Variants in STRIP2 observed in about 807,000 individuals in gnomAD.
STRIP2 encodes striatin-interacting protein 2.
A neutral mutation model predicts 107.1 loss-of-function variants in STRIP2; 84 were observed. That is an observed-to-expected ratio of 0.78 (90% CI 0.66 to 0.94). The LOEUF (loss-of-function observed/expected upper bound fraction) is 0.94. Among genes scored for constraint, STRIP2 ranks in the 40% least tolerant of loss-of-function variants. The probability of loss-of-function intolerance (pLI) is 0.00; values close to 1 mark genes in which losing one functional copy is unlikely to be tolerated. For missense variants in STRIP2, 888 were observed against 1,034.2 expected, an observed-to-expected ratio of 0.86 and a Z score of 1.94; for synonymous variants, 394 against 400.4, an observed-to-expected ratio of 0.98 and a Z score of 0.19.
rs1798313341 is a variant in STRIP2, at chr7:129,455,287, C to T, written c.750C>T (p.Phe250=). 1 of 1,613,910 alleles carries T rather than the reference C, an allele frequency of 6.2e-7. No homozygotes were observed. Among genetic ancestry groups the T allele is most frequent in the African/African-American group, 1.3e-5 (1 of 74,914 alleles). ...HNEEPFALLL[F]SMVTKFCSGL... Reference sequence around the variant, plus strand: ...AGGAGCCTTTTGCCCTTTTACTCTTCTCCATGGTTACCAAGTTCTGCAGTG... The same window carrying T: ...AGGAGCCTTTTGCCCTTTTACTCTTTTCCATGGTTACCAAGTTCTGCAGTG... The change falls in exon 8 of 21, where the codon TTC becomes TTT. Residue 250 remains phenylalanine (F), a synonymous_variant. Coordinates refer to ENST00000249344, the MANE Select transcript of STRIP2 (RefSeq NM_020704.3).
intron 9 of STRIP2, among the ~76,000 whole-genome samples, chr7:129,457,628 T>C (rs1374251190): frequency 2.0e-5 from 3 of 152,230 alleles, no homozygotes; most frequent in Admixed American, 6.5e-5. Flanking sequence ...TTATTTTTGT[T>C]TTATAAAGTA....
At chr7:129,434,713 C>A in intron 1 of STRIP2, 112 bp downstream of exon 1, 1 of 1,261,170 alleles carries the variant, frequency 7.9e-7, no homozygotes, top group African/African-American at 1.6e-5. Flanking sequence ...CGATCAGCCC[C>A]GCGCAGTGGG....
In STRIP2 at chr7:129,454,228, T is replaced by G. The variant is rs113700662; in HGVS notation, c.599+18T>G. 4 of 1,613,646 alleles carry G rather than the reference T, an allele frequency of 2.5e-6. No individual in the cohort carries two copies. The highest frequency in any genetic ancestry group is 3.4e-6 in the Non-Finnish European group (4 of 1,179,622). On this transcript the variant is annotated intron_variant, in intron 6 of 20. Transcript: ENST00000249344. ...GAGCTCAGGTGAGTGGGGCTAACTA[T>G]GGGCTTGGAACAGGGCAGATGATTA... is the stretch of plus-strand genomic sequence containing the variant.
At chr7:129,472,057 G>A (rs1176618064) in intron 18 of STRIP2, among the ~76,000 whole-genome samples, 1 of 152,170 alleles carries the variant, frequency 6.6e-6, no homozygotes, top group Non-Finnish European at 1.5e-5. Flanking sequence ...TATGAGGTTA[G>A]TATTACTATT....
chr7:129,447,255 G>A (rs1230177980), intron 3 of STRIP2, among the ~76,000 whole-genome samples: 1 of 152,194 alleles, frequency 6.6e-6, no homozygotes, highest in Non-Finnish European at 1.5e-5. Context: ...ACACCCAAAT[G>A]AGGAATGTGT....
rs1799244176 is a variant in STRIP2 at position 129,486,390 on chromosome 7, C to T, written c.*561C>T. 6.3e-6 allele frequency: 1 copy of T among 158,318 alleles called. No homozygotes were observed. Among genetic ancestry groups the T allele is most frequent in the South Asian group, 1.8e-4 (1 of 5,518 alleles). 9.8% of individuals were successfully genotyped at this position (158,318 alleles called of 1,614,324 possible). Reference sequence around the variant, plus strand: ...GAAGGATGATGATTTACTATTCCCTCAATACTGCATGTTATCGAAAAGTGT... The same window carrying T: ...GAAGGATGATGATTTACTATTCCCTTAATACTGCATGTTATCGAAAAGTGT... On this transcript the variant is annotated 3_prime_UTR_variant, in exon 21 of 21. Transcript: ENST00000249344.
intron 13 of STRIP2, among the ~76,000 whole-genome samples, chr7:129,462,621 A>C (rs1436428485): frequency 6.6e-6 from 1 of 152,134 alleles, no homozygotes; most frequent in Admixed American, 6.5e-5. Flanking sequence ...TTAAACCCAC[A>C]CTATTGAGCC....
chr7:129,451,519 G>A (rs1798191530), intron 3 of STRIP2, 94 bp from the exon 4 acceptor site: 3 of 1,453,614 alleles, frequency 2.1e-6, no homozygotes, highest in East Asian at 2.3e-5. Flanking sequence ...ATTTTGGCAG[G>A]GGAGCTGAGA....
rs1467433446 is a variant in STRIP2 at position 129,458,697 on chromosome 7, C to G, written c.1275-15C>G. ...CTTCCCTTCTCTGGGATTGGTCTTT[C>G]CACCATCCTCTCAGACAGAAGGACA... On this transcript the variant is annotated splice_polypyrimidine_tract_variant and intron_variant, in intron 10 of 20. Transcript: ENST00000249344. This position sits in a 1 kb window ranked among gnomAD's most constrained non-coding sequence, Gnocchi z 4.6. 9 of 1,613,930 alleles carry G rather than the reference C, an allele frequency of 5.6e-6. No homozygotes were observed. The highest frequency in any genetic ancestry group is 7.6e-6 in the Non-Finnish European group (9 of 1,179,918).
Position 129,488,338 on chromosome 7 carries a change from T to TTGA in STRIP2, c.*2511_*2513dup, listed in dbSNP as rs1799280852. ...ATTTCAGTAAAGTTTGTGTTGATTGTTGATAACACTGTTCATCTACTGAAG... is the reference window on the plus strand; with the variant it reads ...ATTTCAGTAAAGTTTGTGTTGATTGTTGATGATAACACTGTTCATCTACTGAAG... On this transcript the variant is annotated 3_prime_UTR_variant, in exon 21 of 21. Transcript: ENST00000249344. 1 of 152,670 alleles carries TTGA rather than the reference T, an allele frequency of 6.6e-6. No homozygotes were observed. Among genetic ancestry groups the TTGA allele is most frequent in the African/African-American group, 2.4e-5 (1 of 41,462 alleles). The allele number at this position is 152,670 out of a possible 1,614,324, so 9.5% of individuals were successfully genotyped here. A position where few individuals can be genotyped will look rare whatever the true frequency, so the allele number is the denominator to read the frequency against.
At chr7:129,457,243 G>A (rs1282107835) in intron 9 of STRIP2, among the ~76,000 whole-genome samples, 1 of 152,172 alleles carries the variant, frequency 6.6e-6, no homozygotes, top group Non-Finnish European at 1.5e-5. Context: ...AGATGGTATA[G>A]CCTACTGCAC....
intron 17 of STRIP2, among the ~76,000 whole-genome samples, chr7:129,467,774 G>T (rs879115849): frequency 6.6e-6 from 1 of 152,166 alleles, no homozygotes; most frequent in South Asian, 2.1e-4. Context: ...CTGGCCAGGC[G>T]TTATTTTAGT....
At chr7:129,468,747 T>A (rs1261615180) in intron 17 of STRIP2, among the ~76,000 whole-genome samples, 1 of 152,184 alleles carries the variant, frequency 6.6e-6, no homozygotes, top group Non-Finnish European at 1.5e-5. Flanking sequence ...TGGTTAAAAG[T>A]AACCAAAACT....
Position 129,440,092 on chromosome 7 carries a change from G to A in STRIP2, c.199+1G>A. ...GATGGGCATGCAGCCGAGTTGTCAG[G>A]TATGAGGTAGATGGGTCAGTAGCTA... On this transcript the variant is annotated splice_donor_variant, in intron 2 of 20. Transcript: ENST00000249344. LOFTEE classifies it high-confidence loss of function. 1 of 1,613,904 alleles carries A rather than the reference G, an allele frequency of 6.2e-7. No homozygotes were observed. Among genetic ancestry groups the A allele is most frequent in the Non-Finnish European group, 8.5e-7 (1 of 1,179,794 alleles).
At position 129,455,314 on chromosome 7, in the gene STRIP2, C is replaced by A. The variant is rs891281874; in HGVS notation, c.777C>A (p.Gly259=). Residue 259 remains glycine (G), a synonymous_variant, in exon 8 of 21, where the codon GGC becomes GGA. Transcript: ENST00000249344. ...CCATGGTTACCAAGTTCTGCAGTGG[C>A]CTGGCTCCTCACTTCCCCATAAAGA... ...LFSMVTKFCS[G]LAPHFPIKKV... is the part of the protein sequence containing the mutation. The A allele has an allele frequency of 6.2e-7, 1 of 1,613,946 alleles. No homozygotes were observed.
Position 129,475,044 on chromosome 7 carries a change from A to C in STRIP2, c.1944+4329A>C, listed in dbSNP as rs577901892. 4.6e-5 allele frequency among the ~76,000 whole-genome samples: 7 copies of C among 152,352 alleles called. No individual in the cohort carries two copies. In the East Asian group the frequency reaches 1.3e-3, roughly 29 times the overall value. Reference sequence around the variant, plus strand: ...GTACAGGAAGTTTAAAAATTTGTGTATCTCCAAATGTCGGTATTCATATTC... The same window carrying C: ...GTACAGGAAGTTTAAAAATTTGTGTCTCTCCAAATGTCGGTATTCATATTC... On this transcript the variant is annotated intron_variant, in intron 18 of 20. Transcript: ENST00000249344.
chr7:129,478,824 A>G (rs1799039744), intron 18 of STRIP2, among the ~76,000 whole-genome samples: 1 of 152,172 alleles, frequency 6.6e-6, no homozygotes. Flanking sequence ...TGCTGCTTCT[A>G]CAAGGGGATG....
intron 3 of STRIP2, among the ~76,000 whole-genome samples, chr7:129,448,692 C>T (rs1305743786): frequency 6.6e-6 from 1 of 152,206 alleles, no homozygotes; most frequent in Non-Finnish European, 1.5e-5. Flanking sequence ...TCCTTTGCCT[C>T]TGCCATCCAT....
At chr7:129,455,543 T>A (rs777755500) in intron 8 of STRIP2, among the ~76,000 whole-genome samples, 172 bp downstream of exon 8, 1 of 152,216 alleles carries the variant, frequency 6.6e-6, no homozygotes, top group Non-Finnish European at 1.5e-5. Flanking sequence ...AGATGTTCTA[T>A]GTTAGAATGG....
Sources: allele counts gnomAD v4.1 joint callset (sites outside exome capture counted in the v4.1 genomes callset), GRCh38; gene constraint gnomAD v4.1.1; non-coding constraint Gnocchi (gnomAD v3.1); transcripts MANE v1.5; gene names NCBI Gene and HGNC (gene_info 2026-07-23, HGNC 2026-07-21).